PRKD1: variants seen among roughly 807,000 people sequenced by gnomAD.
The protein encoded by PRKD1 is serine/threonine-protein kinase D1.
A neutral mutation model predicts 95.9 loss-of-function variants in PRKD1; 63 were observed. The observed-to-expected ratio is 0.66, with a 90% confidence interval of 0.54 to 0.81. The LOEUF (loss-of-function observed/expected upper bound fraction) is 0.81, where lower values mean the gene tolerates loss of function less well. PRKD1 is among the 30% of genes least tolerant of loss of function. The pLI is 0.00. For synonymous variants in PRKD1, 425 were observed against 423.1 expected (o/e 1.00, Z -0.05); for missense variants, 1,048 against 1,165.3 (o/e 0.90, Z 1.47).
intron 1 of PRKD1, among the ~76,000 whole-genome samples, chr14:29,835,170 C>A (rs200654146): frequency 6.6e-6 from 1 of 151,834 alleles, no homozygotes. Context: ...TGAAAAAAAA[C>A]AAATTCATTT....
intron 1 of PRKD1, among the ~76,000 whole-genome samples, chr14:29,800,483 A>G (rs1889982162): frequency 6.6e-6 from 1 of 152,192 alleles, no homozygotes; most frequent in South Asian, 2.1e-4. Flanking sequence ...GATTCACCAC[A>G]ATAACTTTGG....
chr14:29,670,203 G>C (rs1173634850), intron 2 of PRKD1, among the ~76,000 whole-genome samples: 1 of 152,046 alleles, frequency 6.6e-6, no homozygotes, highest in East Asian at 1.9e-4. Flanking sequence ...AACCTCCTAG[G>C]TAATATAGTA....
intron 3 of PRKD1, 134 bp from the exon 4 acceptor site, chr14:29,663,993 C>G: frequency 1.0e-6 from 1 of 953,386 alleles, no homozygotes; most frequent in Admixed American, 2.9e-5. Context: ...TTCACATTTT[C>G]TTTTGAACAT....
intron 2 of PRKD1, among the ~76,000 whole-genome samples, chr14:29,720,785 A>AT (rs892836574): frequency 6.7e-5 from 10 of 149,882 alleles, no homozygotes; most frequent in Admixed American, 3.3e-4. Context: ...GTCTCAAAAA[A>AT]AATAAATAAA....
intron 2 of PRKD1, among the ~76,000 whole-genome samples, chr14:29,720,637 G>A (rs564205486): frequency 7.6e-4 from 116 of 151,912 alleles, no homozygotes; most frequent in African/African-American, 2.5e-3. Flanking sequence ...AAAATTAGCC[G>A]AGCGTGGTGG....
intron 13 of PRKD1, among the ~76,000 whole-genome samples, chr14:29,620,578 C>T (rs1198371695): frequency 1.3e-5 from 2 of 148,756 alleles, no homozygotes; most frequent in African/African-American, 4.9e-5. Context: ...TGAAAAAATG[C>T]TCATCATCAC....
chr14:29,825,201 T>C (rs748593305), intron 1 of PRKD1, among the ~76,000 whole-genome samples: 1 of 152,106 alleles, frequency 6.6e-6, no homozygotes, highest in Non-Finnish European at 1.5e-5. Flanking sequence ...CCAGGAAATG[T>C]GATATGTACG....
chr14:29,796,351 C>T (rs1889814618), intron 1 of PRKD1, among the ~76,000 whole-genome samples: 1 of 152,068 alleles, frequency 6.6e-6, no homozygotes. Context: ...AAAATTATCA[C>T]TTTATTGATT....
At chr14:29,683,736 G>T (rs978677788) in intron 2 of PRKD1, among the ~76,000 whole-genome samples, 1 of 152,112 alleles carries the variant, frequency 6.6e-6, no homozygotes, top group East Asian at 1.9e-4. Flanking sequence ...TATGCATATC[G>T]CATGGCATGG....
Position 29,629,006 on chromosome 14 carries a change from A to T in PRKD1, c.1725+35T>A, listed in dbSNP as rs555758749. On this transcript the variant is annotated intron_variant, in intron 11 of 17. Transcript: ENST00000331968. ...GATGCTTTTATTTTCCAGTAATCAC[A>T]TTAGCAAGTTTTATATTAGTAGGTA... The T allele has an allele frequency of 8.1e-5, 115 of 1,414,608 alleles. No homozygotes were observed. The South Asian group carries it at 1.6e-3, about 20-fold the overall frequency. The allele number at this position is 1,414,608 out of a possible 1,614,324, so 87.6% of individuals were successfully genotyped here. A position where few individuals can be genotyped will look rare whatever the true frequency, so the allele number is the denominator to read the frequency against.
At chr14:29,778,351 G>C (rs937115981) in intron 1 of PRKD1, among the ~76,000 whole-genome samples, 1 of 151,962 alleles carries the variant, frequency 6.6e-6, no homozygotes, top group Non-Finnish European at 1.5e-5. Context: ...TCCAGGAGCT[G>C]GTTTTTTGAA....
chr14:29,597,442 T>A (rs1291931751), intron 16 of PRKD1, 49 bp downstream of exon 16: 2 of 1,452,924 alleles, frequency 1.4e-6, no homozygotes, highest in Non-Finnish European at 1.8e-6. Context: ...ATTAATAACA[T>A]AAACAAATAA....
intron 4 of PRKD1, among the ~76,000 whole-genome samples, chr14:29,645,861 A>C (rs1262241317): frequency 1.3e-5 from 2 of 151,038 alleles, no homozygotes; most frequent in Non-Finnish European, 3.0e-5. Flanking sequence ...GCTTACCCCC[A>C]CTCCTTACTC....
chr14:29,622,795 G>A (rs11156614), intron 13 of PRKD1, among the ~76,000 whole-genome samples: 69,738 of 152,042 alleles, frequency 0.46, 18,888 homozygotes, highest in East Asian at 0.68. Flanking sequence ...CAGAAAATTA[G>A]AACCCCAATA....
At chr14:29,922,378 T>C (rs962881324) in intron 1 of PRKD1, among the ~76,000 whole-genome samples, 5 of 151,680 alleles carry the variant, frequency 3.3e-5, no homozygotes, top group African/African-American at 1.2e-4. Flanking sequence ...GTGAGATATG[T>C]GATGAGGCCT....
chr14:29,688,788 C>G (rs575637032), intron 2 of PRKD1, among the ~76,000 whole-genome samples: 1 of 151,420 alleles, frequency 6.6e-6, no homozygotes, highest in Non-Finnish European at 1.5e-5. Context: ...AAAAAATTAG[C>G]CGGGCGTGGC....
chr14:29,782,218 A>G (rs1228342344), intron 1 of PRKD1, among the ~76,000 whole-genome samples: 1 of 152,156 alleles, frequency 6.6e-6, no homozygotes, highest in East Asian at 1.9e-4. Flanking sequence ...AACATTATCA[A>G]TGGTTTTCTG....
chr14:29,637,312 T>C (rs1253904407), intron 6 of PRKD1, among the ~76,000 whole-genome samples: 1 of 152,176 alleles, frequency 6.6e-6, no homozygotes, highest in Non-Finnish European at 1.5e-5. Flanking sequence ...AAATAAGACA[T>C]TTGATATTTG....
Position 29,729,251 on chromosome 14 carries a change from T to C in PRKD1, c.265-3577A>G, listed in dbSNP as rs577642728. Among the ~76,000 whole-genome samples, 78 of 152,276 alleles carry C rather than the reference T, an allele frequency of 5.1e-4. 1 individual carries two copies. The highest frequency in any genetic ancestry group is 1.8e-3 in the African/African-American group (76 of 41,592). ...CTGGAAGATTTGTACAGACTTGGTA[T>C]TATATCTTCCTTAAATGTTTGGTAG... On this transcript the variant is annotated intron_variant, in intron 1 of 17. Coordinates refer to ENST00000331968, the MANE Select transcript of PRKD1 (RefSeq NM_002742.3).
Sources: allele counts gnomAD v4.1 joint callset (sites outside exome capture counted in the v4.1 genomes callset), GRCh38; gene constraint gnomAD v4.1.1; transcripts MANE v1.5; gene names NCBI Gene and HGNC (gene_info 2026-07-23, HGNC 2026-07-21).